The following SMIM31 variants were observed in gnomAD, a reference collection of about 807,000 sequenced individuals.
SMIM31 encodes the protein human epithelial cell program regulator.
intron 1 of SMIM31, among the ~76,000 whole-genome samples, chr4:164,766,342 C>A (rs1732720203): frequency 6.6e-6 from 1 of 152,112 alleles, no homozygotes; most frequent in African/African-American, 2.4e-5. Context: ...CATCAACTTG[C>A]CTTCTTCGGT....
chr4:164,797,588 T>A lies in SMIM31; in HGVS notation c.113-3503T>A, dbSNP rs12711369. On this transcript the variant is annotated intron_variant, in intron 2 of 2. Transcript: ENST00000507311. ...AAGCGATTCTCCTGCCTCAGCCTCC[T>A]GAGTGGCTGGAACTACAGGTGCGTG... Among the ~76,000 whole-genome samples the A allele has an allele frequency of 3.7e-3, 558 of 151,304 alleles. 3 individuals are homozygous for A. The highest frequency in any genetic ancestry group is 0.012 in the African/African-American group (505 of 41,194).
At chr4:164,762,662 C>CAAAAAAAAAAAAAAAAAAAAA (rs1162067333) in intron 1 of SMIM31, among the ~76,000 whole-genome samples, 14 of 100,096 alleles carry the variant, frequency 1.4e-4, no homozygotes, top group South Asian at 3.3e-4. Flanking sequence ...GACTCTGTCT[C>CAAAAAAAAAAAAAAAAAAAAA]AAAAAAAAAA....
chr4:164,767,088 T>C (rs1732730132), intron 1 of SMIM31, among the ~76,000 whole-genome samples: 1 of 152,098 alleles, frequency 6.6e-6, no homozygotes, highest in South Asian at 2.1e-4. Flanking sequence ...GATGGGGGCC[T>C]AGTAGGGAAG....
intron 2 of SMIM31, among the ~76,000 whole-genome samples, chr4:164,795,707 AT>A (rs914897200): frequency 1.3e-5 from 2 of 152,174 alleles, no homozygotes; most frequent in African/African-American, 4.8e-5. Context: ...TAAAGATTGT[AT>A]TTTTTTAGTC....
rs1054664837 is a variant in SMIM31, at chr4:164,801,285, T to G, written c.*91T>G. ...ACAGTTACACAAGAGGAGGGGATAA[T>G]GAAGAAAGTTAAAATCACTTACTGA... is the stretch of plus-strand genomic sequence containing the variant. On this transcript the variant is annotated 3_prime_UTR_variant, in exon 3 of 3. Transcript: ENST00000507311. 5.8e-5 allele frequency: 23 copies of G among 397,244 alleles called. No individual in the cohort carries two copies. The highest frequency in any genetic ancestry group is 4.3e-4 in the African/African-American group (21 of 48,566). The allele number at this position is 397,244 out of a possible 1,614,324, so 24.6% of individuals were successfully genotyped here.
chr4:164,769,999 T>C (rs903441304), intron 1 of SMIM31, among the ~76,000 whole-genome samples: 14 of 152,198 alleles, frequency 9.2e-5, no homozygotes, highest in Admixed American at 7.9e-4. Flanking sequence ...TCTTCATTTA[T>C]GAAATGGAGA....
rs137923465 is a variant in SMIM31 at position 164,785,898 on chromosome 4, A to G, written c.113-15193A>G. On this transcript the variant is annotated intron_variant, in intron 2 of 2. Coordinates refer to ENST00000507311, the MANE Select transcript of SMIM31 (RefSeq NM_001352885.1). ...AATGTCATGGCTACAAATAGCCCAG[A>G]TCCTCGGAGCTCCCTAAATCCCATC... is the stretch of plus-strand genomic sequence containing the variant. Among the ~76,000 whole-genome samples the G allele has an allele frequency of 1.3e-3, 191 of 152,286 alleles. 1 individual carries two copies. The highest frequency in any genetic ancestry group is 4.0e-3 in the African/African-American group (165 of 41,570).
At chr4:164,791,967 A>T (rs1461625017) in intron 2 of SMIM31, among the ~76,000 whole-genome samples, 1 of 152,124 alleles carries the variant, frequency 6.6e-6, no homozygotes, top group East Asian at 1.9e-4. Context: ...TTTCTATTCA[A>T]TATTATTGTC....
chr4:164,802,660 G>A lies in SMIM31; in HGVS notation c.*1466G>A, dbSNP rs1733302630. 6.6e-6 allele frequency: 1 copy of A among 152,140 alleles called. No homozygotes were observed. Among genetic ancestry groups the A allele is most frequent in the Admixed American group, 6.5e-5 (1 of 15,272 alleles). 9.4% of individuals were successfully genotyped at this position (152,140 alleles called of 1,614,324 possible). On this transcript the variant is annotated 3_prime_UTR_variant, in exon 3 of 3. Coordinates refer to ENST00000507311, the MANE Select transcript of SMIM31 (RefSeq NM_001352885.1). The stretch of plus-strand genomic sequence containing the variant: ...TGCATCTCATAAGAATCATAGCTCA[G>A]GTCTCCATTGCCACAGAGTTTCAGT...
At chr4:164,797,591 G>C (rs1359267032) in intron 2 of SMIM31, among the ~76,000 whole-genome samples, 1 of 151,754 alleles carries the variant, frequency 6.6e-6, no homozygotes, top group Non-Finnish European at 1.5e-5. Flanking sequence ...AGCCTCCTGA[G>C]TGGCTGGAAC....
At chr4:164,773,846 T>A (rs1157536624) in intron 2 of SMIM31, among the ~76,000 whole-genome samples, 2 of 152,128 alleles carry the variant, frequency 1.3e-5, no homozygotes, top group Non-Finnish European at 2.9e-5. Flanking sequence ...GGAGTCTTCG[T>A]GATTAGAAAT....
chr4:164,758,630 G>GTTTTTTTTTTTTTTT (rs1210607914), intron 1 of SMIM31, among the ~76,000 whole-genome samples: 9 of 96,636 alleles, frequency 9.3e-5, no homozygotes, highest in African/African-American at 1.3e-4. Context: ...TCCTTTTTTT[G>GTTTTTTTTTTTTTTT]TTTTTTTTTT....
intron 2 of SMIM31, among the ~76,000 whole-genome samples, chr4:164,772,558 A>G (rs1269530940): frequency 6.9e-6 from 1 of 145,830 alleles, no homozygotes; most frequent in East Asian, 2.1e-4. Context: ...AAGGACACTG[A>G]AGTTTTATTT....
At chr4:164,756,855 C>A (rs895928131) in intron 1 of SMIM31, among the ~76,000 whole-genome samples, 1 of 151,990 alleles carries the variant, frequency 6.6e-6, no homozygotes, top group Non-Finnish European at 1.5e-5. Flanking sequence ...GAGTTTTGTC[C>A]AATTCTTGGC....
chr4:164,792,626 G>A (rs2110959582), intron 2 of SMIM31, among the ~76,000 whole-genome samples: 1 of 152,138 alleles, frequency 6.6e-6, no homozygotes, highest in Middle Eastern at 3.4e-3. Flanking sequence ...ATTATTAATT[G>A]GTGAATTCAG....
At chr4:164,770,687 G>T (rs1464551499) in intron 2 of SMIM31, 132 bp downstream of exon 2, 1 of 393,990 alleles carries the variant, frequency 2.5e-6, no homozygotes, top group Non-Finnish European at 4.5e-6. Flanking sequence ...TTTGTTTTGT[G>T]GCATGTGTGT....
At chr4:164,780,707 A>G (rs1021856428) in intron 2 of SMIM31, among the ~76,000 whole-genome samples, 2 of 152,246 alleles carry the variant, frequency 1.3e-5, no homozygotes, top group South Asian at 2.1e-4. Context: ...ATTAAATTCT[A>G]AAATTCTAAA....
chr4:164,764,459 C>A lies in SMIM31; in HGVS notation c.-25-5960C>A, dbSNP rs141303685. Among the ~76,000 whole-genome samples, 1,428 of 151,164 alleles carry A rather than the reference C, an allele frequency of 9.4e-3. 29 individuals are homozygous for A. Among genetic ancestry groups the A allele is most frequent in the African/African-American group, 0.033 (1,365 of 41,220 alleles). ...GCGTGTGCCTGTAGTCCCAGCTACT[C>A]GGGAGGCTGAGGCAGGAGAATTGCT... On this transcript the variant is annotated intron_variant, in intron 1 of 2. Coordinates refer to ENST00000507311, the MANE Select transcript of SMIM31 (RefSeq NM_001352885.1).
At chr4:164,765,752 T>C (rs1266497632) in intron 1 of SMIM31, among the ~76,000 whole-genome samples, 3 of 152,010 alleles carry the variant, frequency 2.0e-5, no homozygotes, top group Non-Finnish European at 4.4e-5. Flanking sequence ...CTGCAGTATC[T>C]CACAGATTTT....
Sources: gnomAD v4.1 joint callset for allele counts (sites outside exome capture counted in the v4.1 genomes callset) on GRCh38, gnomAD v4.1.1 for gene constraint, MANE v1.5 for transcripts, NCBI Gene and HGNC (gene_info 2026-07-23, HGNC 2026-07-21) for gene names.